Variants in ELAVL3 observed in about 807,000 individuals in gnomAD.
ELAVL3 encodes ELAV-like protein 3.
A neutral mutation model predicts 34.2 loss-of-function variants in ELAVL3; 8 were observed. The observed-to-expected ratio is 0.23, with a 90% CI of 0.14 to 0.42. The LOEUF is 0.42. Among genes scored for constraint, ELAVL3 ranks in the 10% least tolerant of loss-of-function variants. The pLI is 1.00. For missense variants in ELAVL3, 273 were observed against 518.8 expected (o/e 0.53, Z 4.60); for synonymous variants, 209 against 222.1 (o/e 0.94, Z 0.53).
Position 11,458,713 on chromosome 19 carries a change from CCCAT to C in ELAVL3, c.334-106_334-103del, listed in dbSNP as rs1436183657. The C allele has an allele frequency of 5.5e-6, 8 of 1,456,124 alleles. No individual in the cohort carries two copies. The African/African-American group carries it at 1.1e-4, about 20-fold the overall frequency. The allele number at this position is 1,456,124 out of a possible 1,614,324, so 90.2% of individuals were successfully genotyped here. A position where few individuals can be genotyped will look rare whatever the true frequency, so the allele number is the denominator to read the frequency against. ...ACCATCACGGAGTTAGCAGAAGTGA[CCCAT>C]CCGTCACTCAATAAGTATCTCTAGA... On this transcript the variant is annotated intron_variant, in intron 3 of 6. Transcript: ENST00000359227. This position sits in a 1 kb window ranked among gnomAD's most constrained non-coding sequence, Gnocchi z 7.3.
At position 11,451,798 on chromosome 19, in the gene ELAVL3, C is replaced by T. The variant is rs543370794; in HGVS notation, c.*2728G>A. 2 of 137,836 alleles carry T rather than the reference C, an allele frequency of 1.5e-5. No individual in the cohort carries two copies. Among genetic ancestry groups the T allele is most frequent in the Admixed American group, 6.8e-5 (1 of 14,668 alleles). The allele number at this position is 137,836 out of a possible 1,614,324, so 8.5% of individuals were successfully genotyped here. The stretch of plus-strand genomic sequence containing the variant: ...TTGGGGGTGGCAGGGGCCTAGGCCT[C>T]GGTGGGGGGGGGGTGTGTGGGGAGG... On this transcript the variant is annotated 3_prime_UTR_variant, in exon 7 of 7. Transcript: ENST00000359227.
chr19:11,463,178 C>G (rs1382901507), intron 3 of ELAVL3, among the ~76,000 whole-genome samples: 2 of 152,090 alleles, frequency 1.3e-5, no homozygotes, highest in Admixed American at 1.3e-4. Context: ...CCTTTTCCAT[C>G]CCTCCATGAC....
At chr19:11,473,909 G>GGAGC (rs1177398519) in intron 1 of ELAVL3, among the ~76,000 whole-genome samples, 2 of 152,184 alleles carry the variant, frequency 1.3e-5, no homozygotes, top group African/African-American at 4.8e-5. Context: ...GCCTGGGGTA[G>GGAGC]TAGCTAAAGC....
intron 6 of ELAVL3, 148 bp from the exon 7 acceptor site, chr19:11,455,025 G>T (rs1247942933): frequency 1.2e-6 from 1 of 869,472 alleles, no homozygotes; most frequent in Non-Finnish European, 1.8e-6. Flanking sequence ...TAGAGACACG[G>T]TCTCGCTCTG....
At chr19:11,476,024 G>A (rs1018979767) in intron 1 of ELAVL3, among the ~76,000 whole-genome samples, 10 of 152,122 alleles carry the variant, frequency 6.6e-5, no homozygotes, top group African/African-American at 2.4e-4. Context: ...AGACACATCC[G>A]GCCTCAAAAG....
In ELAVL3 at chr19:11,458,833, G is replaced by T. The variant is rs534732134; in HGVS notation, c.334-222C>A. 5.5e-4 allele frequency among the ~76,000 whole-genome samples: 84 copies of T among 152,206 alleles called. No homozygotes were observed. The highest frequency in any genetic ancestry group is 2.0e-3 in the African/African-American group (81 of 41,532). ...TTGGACTGCCTGTATAGAGTGATGGGGACCTGCCACCTAGGGAGGACATGT... is the reference window on the plus strand; with the variant it reads ...TTGGACTGCCTGTATAGAGTGATGGTGACCTGCCACCTAGGGAGGACATGT... On this transcript the variant is annotated intron_variant, in intron 3 of 6. Transcript: ENST00000359227. The surrounding 1 kb of genome is among the most constrained non-coding windows in gnomAD (Gnocchi z 7.3).
intron 1 of ELAVL3, among the ~76,000 whole-genome samples, chr19:11,473,281 T>C (rs1469179477): frequency 3.4e-5 from 5 of 148,488 alleles, no homozygotes; most frequent in Non-Finnish European, 6.0e-5. Context: ...AGGGGAATGG[T>C]GTGAACCCAG....
At chr19:11,475,725 T>A (rs1200152836) in intron 1 of ELAVL3, among the ~76,000 whole-genome samples, 1 of 151,764 alleles carries the variant, frequency 6.6e-6, no homozygotes, top group Non-Finnish European at 1.5e-5. Context: ...GCAATTCTCC[T>A]GCCTCAGCCT....
chr19:11,479,776 T>C (rs1384626186), intron 1 of ELAVL3, among the ~76,000 whole-genome samples: 1 of 151,152 alleles, frequency 6.6e-6, no homozygotes. Flanking sequence ...GGGCTAGCGG[T>C]GCGGGCGAGC....
chr19:11,480,588 G>T lies in ELAVL3; in HGVS notation c.9+12C>A. On this transcript the variant is annotated intron_variant, in intron 1 of 6. Coordinates refer to ENST00000359227, the MANE Select transcript of ELAVL3 (RefSeq NM_001420.4). This position sits in a 1 kb window ranked among gnomAD's most constrained non-coding sequence, Gnocchi z 6.8. ...CGTCCCGATTCCCTTTCGGCGACAG[G>T]GGAATACCTACAGTGACCATTCTTG... The T allele has an allele frequency of 6.6e-7, 1 of 1,506,128 alleles. No homozygotes were observed. Among genetic ancestry groups the T allele is most frequent in the South Asian group, 1.3e-5 (1 of 76,786 alleles). The allele number at this position is 1,506,128 out of a possible 1,614,324, so 93.3% of individuals were successfully genotyped here. A position where few individuals can be genotyped will look rare whatever the true frequency, so the allele number is the denominator to read the frequency against.
intron 1 of ELAVL3, among the ~76,000 whole-genome samples, chr19:11,474,907 G>T (rs1971235095): frequency 6.6e-6 from 1 of 152,160 alleles, no homozygotes; most frequent in African/African-American, 2.4e-5. Context: ...TCAGCTCACT[G>T]CAACTCCGCC....
intron 1 of ELAVL3, among the ~76,000 whole-genome samples, chr19:11,474,023 A>G (rs1971216884): frequency 6.6e-6 from 1 of 152,088 alleles, no homozygotes; most frequent in East Asian, 1.9e-4. Context: ...ACCTCATAAT[A>G]CACCTACATT....
intron 1 of ELAVL3, among the ~76,000 whole-genome samples, chr19:11,474,431 C>A (rs1009389966): frequency 1.3e-5 from 2 of 152,194 alleles, no homozygotes; most frequent in African/African-American, 4.8e-5. Context: ...CCTGTCTCTA[C>A]TAAAAATACA....
In ELAVL3 at chr19:11,471,624, A is replaced by T. The variant is rs202135359; in HGVS notation, c.10-4797T>A. Reference sequence around the variant, plus strand: ...AGAGACTCTGTCTCAAAAAAAAAAAATTTTTTTTTTGTAGAGATGGGGTGT... The same window carrying T: ...AGAGACTCTGTCTCAAAAAAAAAAATTTTTTTTTTTGTAGAGATGGGGTGT... On this transcript the variant is annotated intron_variant, in intron 1 of 6. Transcript: ENST00000359227. Among the ~76,000 whole-genome samples the T allele has an allele frequency of 5.4e-4, 80 of 147,600 alleles. No individual in the cohort carries two copies. The South Asian group carries it at 8.8e-3, about 16-fold the overall frequency.
intron 5 of ELAVL3, 70 bp from the exon 6 acceptor site, chr19:11,457,218 G>GCCCAA: frequency 6.8e-7 from 1 of 1,468,674 alleles, no homozygotes. Flanking sequence ...CCGTCGGCCT[G>GCCCAA]CCCTCCCCAC....
Position 11,458,326 on chromosome 19 carries a change from C to G in ELAVL3, c.488-40G>C. On this transcript the variant is annotated intron_variant, in intron 4 of 6. Coordinates refer to ENST00000359227, the MANE Select transcript of ELAVL3 (RefSeq NM_001420.4). The surrounding 1 kb of genome is among the most constrained non-coding windows in gnomAD (Gnocchi z 7.3). ...GGATGTCCATCACGACGACCCTGTC[C>G]CCTCCTGTGTAACCCCACTTCTCCC... 1 of 1,609,894 alleles carries G rather than the reference C, an allele frequency of 6.2e-7. No homozygotes were observed. The highest frequency in any genetic ancestry group is 1.1e-5 in the South Asian group (1 of 90,944).
intron 1 of ELAVL3, among the ~76,000 whole-genome samples, chr19:11,477,194 G>C (rs989814756): frequency 6.6e-6 from 1 of 152,174 alleles, no homozygotes; most frequent in Non-Finnish European, 1.5e-5. Flanking sequence ...ATGCCTTTCT[G>C]TTCTTCCTTA....
At chr19:11,457,314 G>C (rs1388708369) in intron 5 of ELAVL3, among the ~76,000 whole-genome samples, 166 bp from the exon 6 acceptor site, 1 of 144,516 alleles carries the variant, frequency 6.9e-6, no homozygotes. Context: ...GCACGGAACC[G>C]TGGTCACTCA....
At chr19:11,465,118 CACACATACACACCACACACAT>C (rs1416665767) in intron 3 of ELAVL3, among the ~76,000 whole-genome samples, 127 of 116,012 alleles carry the variant, frequency 1.1e-3, no homozygotes, top group East Asian at 2.7e-3. Context: ...ACATACACCA[CACACATACACACCACACACAT>C]ACACATACAC....
Sources: allele counts gnomAD v4.1 joint callset (sites outside exome capture counted in the v4.1 genomes callset), GRCh38; gene constraint gnomAD v4.1.1; non-coding constraint Gnocchi (gnomAD v3.1); transcripts MANE v1.5; gene names NCBI Gene and HGNC (gene_info 2026-07-23, HGNC 2026-07-21).